The following GXYLT1 variants were observed in gnomAD, a reference collection of about 807,000 sequenced individuals.
GXYLT1 encodes the protein glycosyltransferase 8 domain containing 3.
GXYLT1 carries 29 observed loss-of-function variants against 54.0 expected under a neutral mutation model. That is an observed-to-expected ratio of 0.54 (90% CI 0.40 to 0.73). The LOEUF (loss-of-function observed/expected upper bound fraction) is 0.73. GXYLT1 is among the 30% of genes least tolerant of loss of function. GXYLT1 has a pLI of 0.00. For missense variants in GXYLT1, 490 were observed against 553.4 expected, an observed-to-expected ratio of 0.89 and a Z score of 1.15; for synonymous variants, 176 against 204.1, an observed-to-expected ratio of 0.86 and a Z score of 1.17.
chr12:42,142,623 C>T (rs1032548634), intron 1 of GXYLT1, among the ~76,000 whole-genome samples: 4 of 152,056 alleles, frequency 2.6e-5, no homozygotes, highest in African/African-American at 9.7e-5. Flanking sequence ...GGATTACAGG[C>T]GTGAGCTACC....
intron 4 of GXYLT1, among the ~76,000 whole-genome samples, 160 bp from the exon 5 acceptor site, chr12:42,106,229 A>G (rs1176993578): frequency 6.6e-6 from 1 of 152,208 alleles, no homozygotes; most frequent in Non-Finnish European, 1.5e-5. Flanking sequence ...ACAATAGCAT[A>G]TATATAAAGA....
At chr12:42,131,542 T>C (rs1374975337) in intron 1 of GXYLT1, among the ~76,000 whole-genome samples, 4 of 152,208 alleles carry the variant, frequency 2.6e-5, no homozygotes, top group African/African-American at 7.2e-5. Flanking sequence ...TGGAATTTCT[T>C]AACCAACAGA....
intron 2 of GXYLT1, among the ~76,000 whole-genome samples, chr12:42,119,669 G>A (rs1163509401): frequency 1.3e-5 from 2 of 151,862 alleles, no homozygotes; most frequent in East Asian, 1.9e-4. Flanking sequence ...TTAGCCAGGA[G>A]TGGTGGCATG....
chr12:42,137,701 G>C (rs2065628252), intron 1 of GXYLT1, among the ~76,000 whole-genome samples: 1 of 136,974 alleles, frequency 7.3e-6, no homozygotes, highest in South Asian at 2.3e-4. Context: ...AGCTTGCCTT[G>C]AGCCGAGATC....
At position 42,142,305 on chromosome 12, in the gene GXYLT1, T is replaced by C. The variant is rs556030055; in HGVS notation, c.221+2121A>G. ...TATACATGAAGAGGTTAGGGATTTC[T>C]ATACCGTATCTCATGGTGGCCAAAA... is the stretch of plus-strand genomic sequence containing the variant. On this transcript the variant is annotated intron_variant, in intron 1 of 7. Coordinates refer to ENST00000398675, the MANE Select transcript of GXYLT1 (RefSeq NM_173601.2). 3.3e-5 allele frequency among the ~76,000 whole-genome samples: 5 copies of C among 152,214 alleles called. No individual in the cohort carries two copies. In the East Asian group the frequency reaches 5.8e-4, roughly 18 times the overall value.
rs1332150058 is a variant in GXYLT1 at position 42,109,785 on chromosome 12, TTAAGA to T, written c.487-99_487-95del. The T allele has an allele frequency of 1.7e-5, 13 of 767,768 alleles. No homozygotes were observed. The African/African-American group carries it at 2.4e-4, about 14-fold the overall frequency. The allele number at this position is 767,768 out of a possible 1,614,324, so 47.6% of individuals were successfully genotyped here. A position where few individuals can be genotyped will look rare whatever the true frequency, so the allele number is the denominator to read the frequency against. ...GATTATAAAACAAAAGAGCTAAAAA[TTAAGA>T]TAATATACATTTTATGCTGTAAAAT... On this transcript the variant is annotated intron_variant, in intron 3 of 7. Transcript: ENST00000398675.
chr12:42,090,114 G>GA (rs67453452), intron 7 of GXYLT1, among the ~76,000 whole-genome samples: 143,190 of 150,990 alleles, frequency 0.95, 68,253 homozygotes, highest in East Asian at 1. Context: ...TTCTTCACTG[G>GA]AAAAAAAAAG....
chr12:42,118,407 T>C (rs1020994603), intron 3 of GXYLT1, among the ~76,000 whole-genome samples: 1 of 152,200 alleles, frequency 6.6e-6, no homozygotes, highest in Non-Finnish European at 1.5e-5. Flanking sequence ...AAAACCTCCA[T>C]TTTTGACAAA....
chr12:42,088,763 G>A (rs1043231392), intron 7 of GXYLT1, among the ~76,000 whole-genome samples: 2 of 151,950 alleles, frequency 1.3e-5, no homozygotes, highest in South Asian at 4.2e-4. Context: ...GGGCTTAAAA[G>A]TAGAACATTT....
At chr12:42,124,694 T>C (rs1219900991) in intron 2 of GXYLT1, among the ~76,000 whole-genome samples, 1 of 152,226 alleles carries the variant, frequency 6.6e-6, no homozygotes, top group African/African-American at 2.4e-5. Flanking sequence ...TTTAGTGATA[T>C]AATTCATTCT....
chr12:42,092,169 C>A (rs1394142677), intron 7 of GXYLT1, among the ~76,000 whole-genome samples: 5 of 152,210 alleles, frequency 3.3e-5, no homozygotes, highest in Non-Finnish European at 5.9e-5. Flanking sequence ...GATGAGGCTA[C>A]ATAGACCAGA....
At chr12:42,127,458 C>T (rs2065569728) in intron 2 of GXYLT1, among the ~76,000 whole-genome samples, 1 of 152,096 alleles carries the variant, frequency 6.6e-6, no homozygotes, top group South Asian at 2.1e-4. Context: ...AGGTTACAGG[C>T]ACAAGGCTTA....
chr12:42,108,521 T>C (rs1449389451), intron 4 of GXYLT1, among the ~76,000 whole-genome samples: 1 of 152,178 alleles, frequency 6.6e-6, no homozygotes, highest in Non-Finnish European at 1.5e-5. Context: ...ATAAAACTTA[T>C]TTCAAAAACT....
intron 1 of GXYLT1, among the ~76,000 whole-genome samples, chr12:42,140,462 A>C (rs571065454): frequency 6.6e-6 from 1 of 152,278 alleles, no homozygotes; most frequent in East Asian, 1.9e-4. Context: ...TTGTTGTGTC[A>C]GGCACCATAC....
intron 2 of GXYLT1, among the ~76,000 whole-genome samples, chr12:42,124,041 T>C (rs1005695596): frequency 1.4e-5 from 2 of 144,830 alleles, no homozygotes; most frequent in African/African-American, 5.1e-5. Context: ...ACAAAATACT[T>C]AAAAAAAAAA....
intron 6 of GXYLT1, 139 bp downstream of exon 6, chr12:42,097,771 G>A (rs1201999697): frequency 1.9e-5 from 19 of 1,012,144 alleles, no homozygotes; most frequent in East Asian, 2.6e-5. Context: ...CAAAATTCAA[G>A]AAAAGTTTTA....
chr12:42,121,150 C>T (rs1262307212), intron 2 of GXYLT1, among the ~76,000 whole-genome samples: 1 of 152,182 alleles, frequency 6.6e-6, no homozygotes, highest in Non-Finnish European at 1.5e-5. Flanking sequence ...CCAGATCCTA[C>T]TTGTCATTAC....
intron 2 of GXYLT1, among the ~76,000 whole-genome samples, chr12:42,129,357 C>T (rs1353601339): frequency 1.3e-5 from 2 of 152,160 alleles, no homozygotes; most frequent in African/African-American, 2.4e-5. Flanking sequence ...CTACTAATAA[C>T]GAATATAATC....
At chr12:42,112,475 A>T (rs564390012) in intron 3 of GXYLT1, among the ~76,000 whole-genome samples, 2 of 152,362 alleles carry the variant, frequency 1.3e-5, no homozygotes, top group East Asian at 3.9e-4. Flanking sequence ...AAACCAAGGC[A>T]TGAGAGCTAT....
Sources: gnomAD v4.1 joint callset for allele counts (sites outside exome capture counted in the v4.1 genomes callset) on GRCh38, gnomAD v4.1.1 for gene constraint, MANE v1.5 for transcripts, NCBI Gene and HGNC (gene_info 2026-07-23, HGNC 2026-07-21) for gene names.